The following ASH1L variants were observed in gnomAD, a reference collection of about 807,000 sequenced individuals.
ASH1L encodes the protein ASH1 like histone lysine methyltransferase, also known as histone-lysine N-methyltransferase ASH1L.
ASH1L carries 23 observed loss-of-function variants against 269.0 expected under a neutral mutation model. The observed-to-expected ratio is 0.09, with a 90% CI of 0.06 to 0.12. The LOEUF is 0.12. Ranked by LOEUF, ASH1L falls within the 10% of genes least tolerant of loss-of-function variation. ASH1L has a pLI of 1.00. For missense variants in ASH1L, 2,912 were observed against 3,567.8 expected (o/e 0.82, Z 4.68); for synonymous variants, 1,187 against 1,253.5 (o/e 0.95, Z 1.12).
intron 2 of ASH1L, among the ~76,000 whole-genome samples, chr1:155,490,641 CACAT>C (rs1666706719): frequency 2.0e-5 from 3 of 150,768 alleles, no homozygotes; most frequent in Admixed American, 1.3e-4. Flanking sequence ...CACACACACA[CACAT>C]ACACACACAC....
chr1:155,371,502 C>T (rs1012155287), intron 10 of ASH1L, among the ~76,000 whole-genome samples: 12 of 152,028 alleles, frequency 7.9e-5, no homozygotes, highest in South Asian at 2.1e-4. Flanking sequence ...AAGCAGAGAT[C>T]GCACCACTGC....
chr1:155,508,622 A>C (rs1291801283), intron 2 of ASH1L, among the ~76,000 whole-genome samples: 1 of 152,216 alleles, frequency 6.6e-6, no homozygotes, highest in Non-Finnish European at 1.5e-5. Flanking sequence ...CCTGTATGAC[A>C]CAGTGAGACT....
intron 5 of ASH1L, among the ~76,000 whole-genome samples, chr1:155,417,914 C>T (rs950364914): frequency 1.3e-5 from 2 of 151,116 alleles, no homozygotes; most frequent in African/African-American, 2.4e-5. Context: ...GCCCAGATAG[C>T]GCCATTGCAC....
In ASH1L at chr1:155,343,233, G is replaced by T; in HGVS notation, c.8293+81C>A. 6.8e-7 allele frequency: 1 copy of T among 1,480,230 alleles called. No homozygotes were observed. The highest frequency in any genetic ancestry group is 1.3e-5 in the South Asian group (1 of 76,004). The allele number at this position is 1,480,230 out of a possible 1,614,324, so 91.7% of individuals were successfully genotyped here. ...TGGGCTTAAGCAATCTGCCTGCCTC[G>T]GCCTCCCACACCGCTGGGATTATCA... On this transcript the variant is annotated intron_variant, in intron 24 of 27. Coordinates refer to ENST00000392403, the MANE Select transcript of ASH1L (RefSeq NM_018489.3). This position sits in a 1 kb window ranked among gnomAD's most constrained non-coding sequence, Gnocchi z 6.1.
intron 5 of ASH1L, among the ~76,000 whole-genome samples, chr1:155,427,010 G>T (rs545223880): frequency 2.0e-5 from 3 of 151,412 alleles, no homozygotes; most frequent in Non-Finnish European, 3.0e-5. Context: ...ATATGTGTAG[G>T]TCTGTTTCTT....
At chr1:155,410,357 G>A (rs1659664391) in intron 6 of ASH1L, among the ~76,000 whole-genome samples, 3 of 152,082 alleles carry the variant, frequency 2.0e-5, no homozygotes, top group Admixed American at 2.0e-4. Flanking sequence ...AGGCTGGAGT[G>A]CAATGGTGCG....
At chr1:155,536,001 G>GAA (rs571532832) in intron 1 of ASH1L, among the ~76,000 whole-genome samples, 4 of 103,742 alleles carry the variant, frequency 3.9e-5, no homozygotes, top group Non-Finnish European at 8.4e-5. Context: ...TCCATCTCAA[G>GAA]AAAAAAAAAA....
At chr1:155,404,675 G>GA (rs947050856) in intron 6 of ASH1L, among the ~76,000 whole-genome samples, 9 of 150,362 alleles carry the variant, frequency 6.0e-5, no homozygotes, top group South Asian at 2.1e-4. Flanking sequence ...AAACTGGTGG[G>GA]AAAAAAAAAT....
chr1:155,386,372 G>A (rs1026157451), intron 7 of ASH1L, among the ~76,000 whole-genome samples: 8 of 150,964 alleles, frequency 5.3e-5, no homozygotes, highest in Non-Finnish European at 8.9e-5. Context: ...CTGGCCAAGA[G>A]TCTTTAAAAA....
chr1:155,348,768 C>T (rs1653592434), intron 19 of ASH1L, among the ~76,000 whole-genome samples: 1 of 151,976 alleles, frequency 6.6e-6, no homozygotes, highest in Non-Finnish European at 1.5e-5. Flanking sequence ...ATAATCCCAG[C>T]TACTCAGGAG....
chr1:155,498,567 A>C (rs1323937061), intron 2 of ASH1L, among the ~76,000 whole-genome samples: 2 of 151,724 alleles, frequency 1.3e-5, no homozygotes, highest in Non-Finnish European at 2.9e-5. Flanking sequence ...TCAGCCTTCC[A>C]AGTAGCTGGG....
In ASH1L at chr1:155,434,150, G is replaced by C. The variant is rs1026152356; in HGVS notation, c.5828+4177C>G. ...CCCAGGGCCCCATTTTGGTACCCCAGGCTATGGGAGCCCTCACTTCACTGC... is the reference window on the plus strand; with the variant it reads ...CCCAGGGCCCCATTTTGGTACCCCACGCTATGGGAGCCCTCACTTCACTGC... On this transcript the variant is annotated intron_variant, in intron 5 of 27. Transcript: ENST00000392403. 22 of 1,593,258 alleles carry C rather than the reference G, an allele frequency of 1.4e-5. No homozygotes were observed. In the African/African-American group the frequency reaches 2.7e-4, roughly 19 times the overall value.
chr1:155,364,813 G>A (rs1655259701), intron 12 of ASH1L, among the ~76,000 whole-genome samples: 1 of 151,106 alleles, frequency 6.6e-6, no homozygotes, highest in Non-Finnish European at 1.5e-5. Context: ...ATGGTGGTGT[G>A]TGCCTGTAGT....
chr1:155,515,579 G>GCA (rs1273474569), intron 2 of ASH1L, among the ~76,000 whole-genome samples: 2 of 152,036 alleles, frequency 1.3e-5, no homozygotes, highest in African/African-American at 4.8e-5. Context: ...TATAATCCCA[G>GCA]CACTTTGGAA....
chr1:155,415,681 G>T, intron 6 of ASH1L, 63 bp downstream of exon 6: 1 of 1,528,014 alleles, frequency 6.5e-7, no homozygotes, highest in Non-Finnish European at 8.9e-7. Context: ...TTTTTTGATA[G>T]TCAAAGTATT....
rs750556394 is a variant in ASH1L at position 155,380,162 on chromosome 1, G to A, written c.6104-46C>T. 4 of 1,455,694 alleles carry A rather than the reference G, an allele frequency of 2.7e-6. No homozygotes were observed. The Admixed American group carries it at 5.0e-5, about 18-fold the overall frequency. 90.2% of individuals were successfully genotyped at this position (1,455,694 alleles called of 1,614,324 possible). A position where few individuals can be genotyped will look rare whatever the true frequency, so the allele number is the denominator to read the frequency against. ...AATTTCAATACCTTTTCTAATATTT[G>A]CTTATACAAAGGTGTCAAACAGCTA... On this transcript the variant is annotated intron_variant, in intron 7 of 27. Coordinates refer to ENST00000392403, the MANE Select transcript of ASH1L (RefSeq NM_018489.3).
intron 1 of ASH1L, among the ~76,000 whole-genome samples, chr1:155,525,190 T>TGA (rs1669165156): frequency 6.6e-6 from 1 of 152,040 alleles, no homozygotes; most frequent in South Asian, 2.1e-4. Flanking sequence ...GAGGCTGCAG[T>TGA]GAGCCATGTT....
At position 155,337,609 on chromosome 1, in the gene ASH1L, C is replaced by T. The variant is rs1570931056; in HGVS notation, c.*51G>A. On this transcript the variant is annotated 3_prime_UTR_variant, in exon 28 of 28. Transcript: ENST00000392403. ...TATACCCAGAGAGCAGGAGGCAGGA[C>T]TGATTAGCTCCACTGGATCCCAGAT... is the stretch of plus-strand genomic sequence containing the variant. 1 of 1,504,204 alleles carries T rather than the reference C, an allele frequency of 6.6e-7. No individual in the cohort carries two copies. Among genetic ancestry groups the T allele is most frequent in the Non-Finnish European group, 9.3e-7 (1 of 1,081,068 alleles). The allele number at this position is 1,504,204 out of a possible 1,614,324, so 93.2% of individuals were successfully genotyped here. A position where few individuals can be genotyped will look rare whatever the true frequency, so the allele number is the denominator to read the frequency against.
In ASH1L at chr1:155,438,757, C is replaced by T. The variant is rs1662304737; in HGVS notation, c.5398G>A (p.Val1800Met). Reference protein sequence around the residue: ...CSPHHIKRSVVEAMQRQARKM... With the variant: ...CSPHHIKRSVMEAMQRQARKM... ...CGAGCTTGGCGTTGCATAGCTTCCA[C>T]TACACTTCTCTTGATATGATGGGGG... The change falls in exon 5 of 28, where the codon GTG (valine) becomes ATG (methionine). Residue 1800 changes from valine to methionine, a missense_variant. Val to Met is a conservative substitution (Grantham distance 21). Coordinates refer to ENST00000392403, the MANE Select transcript of ASH1L (RefSeq NM_018489.3). The T allele has an allele frequency of 6.2e-7, 1 of 1,614,054 alleles. No individual in the cohort carries two copies. Among genetic ancestry groups the T allele is most frequent in the Admixed American group, 1.7e-5 (1 of 59,986 alleles).
Sources: allele counts gnomAD v4.1 joint callset (sites outside exome capture counted in the v4.1 genomes callset), GRCh38; gene constraint gnomAD v4.1.1; non-coding constraint Gnocchi (gnomAD v3.1); transcripts MANE v1.5; gene names NCBI Gene and HGNC (gene_info 2026-07-23, HGNC 2026-07-21).